Variants in GPAM observed in about 807,000 individuals in gnomAD.
GPAM encodes glycerol-3-phosphate acyltransferase, mitochondrial.
Under a neutral mutation model 105.0 loss-of-function variants are expected in GPAM, and 56 were observed. The ratio of observed to expected loss-of-function variants is 0.53; its 90% CI spans 0.43 to 0.67. The LOEUF is 0.67. Among genes scored for constraint, GPAM ranks in the 30% least tolerant of loss-of-function variants. GPAM has a pLI of 0.00. For synonymous variants in GPAM, 368 were observed against 354.4 expected (o/e 1.04, Z -0.43); for missense variants, 855 against 989.8 (o/e 0.86, Z 1.83).
chr10:112,185,108 G>A (rs1847575964), upstream of GPAM, among the ~76,000 whole-genome samples: 1 of 152,080 alleles, frequency 6.6e-6, no homozygotes, highest in Non-Finnish European at 1.5e-5. Flanking sequence ...CTTCAGTAGT[G>A]GGGCAAAATT....
chr10:112,158,573 A>G (rs1847060860), intron 17 of GPAM, among the ~76,000 whole-genome samples, 180 bp from the exon 18 acceptor site: 1 of 152,142 alleles, frequency 6.6e-6, no homozygotes. Context: ...TCATGGACAA[A>G]GCCCAAGAAA....
upstream of GPAM, among the ~76,000 whole-genome samples, chr10:112,219,393 G>C (rs954700642): frequency 3.3e-5 from 5 of 152,176 alleles, no homozygotes; most frequent in Non-Finnish European, 7.4e-5. Flanking sequence ...AAGGACAGCA[G>C]GGATGTGGAA....
Position 112,153,408 on chromosome 10 carries a change from G to T in GPAM, c.*142C>A. On this transcript the variant is annotated 3_prime_UTR_variant, in exon 22 of 22. Coordinates refer to ENST00000348367, the MANE Select transcript of GPAM (RefSeq NM_001244949.2). ...GGAAGATCACAGATCCATGGAGGGA[G>T]AAGGCACTTGTCTTCCAGGAGATCA... 6.3e-7 allele frequency: 1 copy of T among 1,586,046 alleles called. No homozygotes were observed. The highest frequency in any genetic ancestry group is 8.5e-7 in the Non-Finnish European group (1 of 1,171,648).
chr10:112,155,790 T>C, intron 20 of GPAM, 74 bp downstream of exon 20: 1 of 936,954 alleles, frequency 1.1e-6, no homozygotes, highest in South Asian at 1.5e-5. Flanking sequence ...TTTCCAATTT[T>C]CTACAATTAG....
chr10:112,173,873 T>C (rs1345807831), intron 6 of GPAM, 28 bp from the exon 7 acceptor site: 5 of 1,585,252 alleles, frequency 3.2e-6, no homozygotes, highest in Admixed American at 1.7e-5. Context: ...AAAGAGACAA[T>C]GTAATTGTTT....
At chr10:112,185,499 A>G (rs1847581950), upstream of GPAM, among the ~76,000 whole-genome samples, 2 of 150,964 alleles carry the variant, frequency 1.3e-5, no homozygotes, top group African/African-American at 4.9e-5. Flanking sequence ...AAAAAAAAAA[A>G]GACACAAACC....
intron 1 of GPAM, among the ~76,000 whole-genome samples, chr10:112,212,272 CTTTTTTTTTACACGG>C: frequency 6.6e-6 from 1 of 151,284 alleles, no homozygotes; most frequent in Non-Finnish European, 1.5e-5. Flanking sequence ...TTCGCTGTTA[CTTTTTTTTTACACGG>C]AGTCTCGCTC....
chr10:112,169,334 T>C (rs1170234949), intron 9 of GPAM, among the ~76,000 whole-genome samples: 1 of 152,218 alleles, frequency 6.6e-6, no homozygotes, highest in Non-Finnish European at 1.5e-5. Context: ...AATTTGCGCA[T>C]GGCATGTTTA....
Position 112,151,713 on chromosome 10 carries a change from G to A in GPAM, c.*1837C>T. The A allele has an allele frequency of 1.0e-6, 1 of 985,270 alleles. No homozygotes were observed. The highest frequency in any genetic ancestry group is 1.2e-6 in the Non-Finnish European group (1 of 829,838). 61.0% of individuals were successfully genotyped at this position (985,270 alleles called of 1,614,324 possible). A position where few individuals can be genotyped will look rare whatever the true frequency, so the allele number is the denominator to read the frequency against. The stretch of plus-strand genomic sequence containing the variant: ...CCCAATCTTGAATAATGGTGAGCTT[G>A]AGTAATCCTTAATTTACAATTTAAA... On this transcript the variant is annotated 3_prime_UTR_variant, in exon 22 of 22. Coordinates refer to ENST00000348367, the MANE Select transcript of GPAM (RefSeq NM_001244949.2).
chr10:112,204,657 G>A (rs530577925), intron 1 of GPAM, among the ~76,000 whole-genome samples: 1 of 149,812 alleles, frequency 6.7e-6, no homozygotes, highest in African/African-American at 2.4e-5. Flanking sequence ...GCTGTGGGCT[G>A]TTTATAGGAA....
At chr10:112,154,441 G>A (rs1334127936) in intron 21 of GPAM, 188 bp downstream of exon 21, 5 of 618,590 alleles carry the variant, frequency 8.1e-6, no homozygotes, top group Non-Finnish European at 1.4e-5. Context: ...AATCTACACT[G>A]ATGGGCTTCA....
chr10:112,220,853 T>TACACACACACACAC, the GPAM span, among the ~76,000 whole-genome samples: 11 of 145,920 alleles, frequency 7.5e-5, no homozygotes, highest in African/African-American at 2.8e-4. Flanking sequence ...AGATCTCAAA[T>TACACACACACACAC]ACACACACAC....
At chr10:112,156,191 C>T (rs1205327246) in intron 19 of GPAM, 138 bp from the exon 20 acceptor site, 2 of 691,786 alleles carry the variant, frequency 2.9e-6, no homozygotes, top group Non-Finnish European at 5.3e-6. Flanking sequence ...AAGCGGCCCC[C>T]TGCCCCTCAT....
chr10:112,223,032 A>G, the GPAM span, among the ~76,000 whole-genome samples: 4 of 152,056 alleles, frequency 2.6e-5, no homozygotes, highest in Non-Finnish European at 5.9e-5. Flanking sequence ...GCTGAATACA[A>G]TGGTGGCATA....
At chr10:112,159,154 T>C (rs1369773528) in intron 17 of GPAM, among the ~76,000 whole-genome samples, 1 of 152,058 alleles carries the variant, frequency 6.6e-6, no homozygotes, top group Non-Finnish European at 1.5e-5. Context: ...TAAATGCTCA[T>C]TAGTACTGCT....
chr10:112,226,343 A>G, the GPAM span, among the ~76,000 whole-genome samples: 1 of 152,200 alleles, frequency 6.6e-6, no homozygotes, highest in African/African-American at 2.4e-5. Context: ...GAGGGGAAGA[A>G]GTAGGACTTG....
intron 1 of GPAM, among the ~76,000 whole-genome samples, chr10:112,209,318 G>A (rs796505157): frequency 2.0e-5 from 3 of 151,800 alleles, no homozygotes; most frequent in Non-Finnish European, 4.4e-5. Flanking sequence ...CCATGCAATC[G>A]GATGATTAGA....
At chr10:112,193,639 C>T (rs1438056267) in intron 1 of GPAM, among the ~76,000 whole-genome samples, 3 of 152,178 alleles carry the variant, frequency 2.0e-5, no homozygotes, top group Non-Finnish European at 2.9e-5. Flanking sequence ...TTGAATTCAG[C>T]GTCTACCTGA....
intron 4 of GPAM, among the ~76,000 whole-genome samples, chr10:112,179,931 G>C (rs561027292): frequency 6.6e-6 from 1 of 152,064 alleles, no homozygotes; most frequent in East Asian, 1.9e-4. Flanking sequence ...TAATGCAAAA[G>C]ATATTGCATG....
Sources: allele counts gnomAD v4.1 joint callset (sites outside exome capture counted in the v4.1 genomes callset), GRCh38; gene constraint gnomAD v4.1.1; transcripts MANE v1.5; gene names NCBI Gene and HGNC (gene_info 2026-07-23, HGNC 2026-07-21).